Variants in GBE1 observed in about 807,000 individuals in gnomAD.
GBE1 encodes 1,4-alpha-glucan-branching enzyme.
A neutral mutation model predicts 88.8 loss-of-function variants in GBE1; 70 were observed. That is an observed-to-expected ratio of 0.79 (90% CI 0.65 to 0.96). GBE1 has a LOEUF of 0.96. Among genes scored for constraint, GBE1 ranks in the 40% least tolerant of loss-of-function variants. GBE1 has a pLI of 0.00. For missense variants in GBE1, 872 were observed against 871.0 expected, an observed-to-expected ratio of 1.00 and a Z score of -0.01; for synonymous variants, 284 against 300.1, an observed-to-expected ratio of 0.95 and a Z score of 0.56.
At chr3:81,578,663 T>C (rs1703681659) in intron 11 of GBE1, among the ~76,000 whole-genome samples, 1 of 151,980 alleles carries the variant, frequency 6.6e-6, no homozygotes, top group Non-Finnish European at 1.5e-5. Flanking sequence ...CCATTTAATC[T>C]AAATTTAGTT....
intron 3 of GBE1, 54 bp from the exon 4 acceptor site, chr3:81,649,975 T>A: frequency 6.9e-6 from 10 of 1,441,418 alleles, no homozygotes; most frequent in Non-Finnish European, 9.7e-6. Context: ...ACTCTGATAA[T>A]ACATAATGGT....
In GBE1 at chr3:81,536,918, G is replaced by A; in HGVS notation, c.1796C>T (p.Ala599Val). 1.9e-6 allele frequency: 3 copies of A among 1,587,790 alleles called. No individual in the cohort carries two copies. In the African/African-American group the frequency reaches 4.1e-5, roughly 22 times the overall value. Residue 599 changes from alanine to valine, a missense_variant, in exon 13 of 16, where the codon GCT becomes GTT. Transcript: ENST00000429644. ...CCAGAGTGAAGAGCTTACCTGTGGA[G>A]CTGCAAGCCAACCATATCTTTCTTC... The part of the protein sequence containing the change: ...RLEERYGWLA[A>V]PQAYVSEKHE...
chr3:81,729,330 TAAG>T (rs1269580500), intron 1 of GBE1, among the ~76,000 whole-genome samples: 1 of 152,070 alleles, frequency 6.6e-6, no homozygotes, highest in South Asian at 2.1e-4. Context: ...GCCAGGAAGT[TAAG>T]AAGGAAAATG....
intron 12 of GBE1, among the ~76,000 whole-genome samples, chr3:81,552,520 T>TAAAAAA (rs58899195): frequency 1.8e-5 from 1 of 55,826 alleles, no homozygotes; most frequent in Non-Finnish European, 3.4e-5. Context: ...CTATCTTATA[T>TAAAAAA]AAAAAAAAAA....
chr3:81,722,414 A>T (rs1706046532), intron 1 of GBE1, among the ~76,000 whole-genome samples: 1 of 151,974 alleles, frequency 6.6e-6, no homozygotes, highest in South Asian at 2.1e-4. Context: ...GGGGTTAATG[A>T]TTTTTCTTTG....
intron 7 of GBE1, among the ~76,000 whole-genome samples, chr3:81,595,272 A>C (rs906701353): frequency 6.6e-5 from 10 of 151,856 alleles, no homozygotes; most frequent in Non-Finnish European, 1.5e-4. Flanking sequence ...TTAAGGGGGA[A>C]ATCCTGTTTA....
At chr3:81,717,586 G>A (rs1288944648) in intron 1 of GBE1, among the ~76,000 whole-genome samples, 1 of 152,152 alleles carries the variant, frequency 6.6e-6, no homozygotes, top group Non-Finnish European at 1.5e-5. Flanking sequence ...AAAATGGAGA[G>A]GGAGGTTAAA....
At chr3:81,758,626 A>C (rs1706635342) in intron 1 of GBE1, among the ~76,000 whole-genome samples, 2 of 152,242 alleles carry the variant, frequency 1.3e-5, no homozygotes, top group Admixed American at 6.5e-5. Context: ...TATAACAACT[A>C]ATTGTAGTGT....
intron 2 of GBE1, among the ~76,000 whole-genome samples, chr3:81,701,298 A>G (rs1025574668): frequency 6.6e-6 from 1 of 152,100 alleles, no homozygotes; most frequent in African/African-American, 2.4e-5. Flanking sequence ...GACTGGACGA[A>G]AAAGAAATGA....
intron 14 of GBE1, among the ~76,000 whole-genome samples, chr3:81,534,422 G>A (rs1048185648): frequency 6.6e-6 from 1 of 151,968 alleles, no homozygotes; most frequent in African/African-American, 2.4e-5. Flanking sequence ...TACTCAGTAA[G>A]TATCTATAAG....
intron 7 of GBE1, among the ~76,000 whole-genome samples, chr3:81,610,819 T>C (rs893950494): frequency 6.6e-6 from 1 of 152,144 alleles, no homozygotes; most frequent in African/African-American, 2.4e-5. Flanking sequence ...AAGAACTGGA[T>C]TGTGAGCACT....
intron 1 of GBE1, 67 bp downstream of exon 1, chr3:81,761,308 T>C: frequency 6.5e-7 from 1 of 1,533,784 alleles, no homozygotes; most frequent in Middle Eastern, 2.1e-4. Flanking sequence ...GGGCGGCCCG[T>C]GTCCCGAGAC....
At chr3:81,669,830 T>C (rs1300871346) in intron 3 of GBE1, among the ~76,000 whole-genome samples, 1 of 152,204 alleles carries the variant, frequency 6.6e-6, no homozygotes, top group African/African-American at 2.4e-5. Flanking sequence ...CTTCTCTGCT[T>C]ACTATTATAA....
At chr3:81,490,541 T>C (rs1041786203) in intron 15 of GBE1, 78 bp from the exon 16 acceptor site, 1 of 1,138,930 alleles carries the variant, frequency 8.8e-7, no homozygotes. Context: ...AACATAGGCA[T>C]GACGCAGTCT....
chr3:81,500,538 A>G (rs912926077), intron 14 of GBE1, among the ~76,000 whole-genome samples: 1 of 152,218 alleles, frequency 6.6e-6, no homozygotes, highest in Admixed American at 6.5e-5. Context: ...ACTTTAAAAA[A>G]CAACTGAATT....
At chr3:81,743,028 C>G (rs1706371973) in intron 1 of GBE1, among the ~76,000 whole-genome samples, 1 of 152,082 alleles carries the variant, frequency 6.6e-6, no homozygotes, top group Non-Finnish European at 1.5e-5. Context: ...CAAAACACCC[C>G]TGAGTACAAA....
chr3:81,755,985 T>A (rs1028233880), intron 1 of GBE1, among the ~76,000 whole-genome samples: 4 of 152,138 alleles, frequency 2.6e-5, no homozygotes, highest in African/African-American at 7.2e-5. Context: ...CAAATCCAAA[T>A]TACTTTCTAA....
intron 14 of GBE1, among the ~76,000 whole-genome samples, chr3:81,506,225 C>T (rs1182768231): frequency 1.3e-5 from 2 of 151,900 alleles, no homozygotes; most frequent in African/African-American, 2.4e-5. Context: ...AAAACAAACA[C>T]ACCAACAAAA....
chr3:81,604,706 T>C (rs1704081170), intron 7 of GBE1, among the ~76,000 whole-genome samples: 1 of 152,208 alleles, frequency 6.6e-6, no homozygotes, highest in South Asian at 2.1e-4. Flanking sequence ...TTCACTAAAA[T>C]AAAGGCACAT....
Sources: allele counts gnomAD v4.1 joint callset (sites outside exome capture counted in the v4.1 genomes callset), GRCh38; gene constraint gnomAD v4.1.1; transcripts MANE v1.5; gene names NCBI Gene and HGNC (gene_info 2026-07-23, HGNC 2026-07-21).